The following REC8 variants were observed in gnomAD, a reference collection of about 807,000 sequenced individuals.
The protein encoded by REC8 is REC8 meiotic recombination protein.
A neutral mutation model predicts 78.3 loss-of-function variants in REC8; 42 were observed. That is an observed-to-expected ratio of 0.54 (90% CI 0.42 to 0.69). The LOEUF is 0.69. Ranked by LOEUF, REC8 falls within the 30% of genes least tolerant of loss-of-function variation. The pLI, the probability that REC8 is intolerant of heterozygous loss-of-function variation, is 0.00. For missense variants in REC8, 581 were observed against 715.8 expected (o/e 0.81, Z 2.15); for synonymous variants, 268 against 274.1 (o/e 0.98, Z 0.22).
intron 5 of REC8, among the ~76,000 whole-genome samples, chr14:24,174,184 T>G (rs6573596): frequency 6.6e-6 from 1 of 152,044 alleles, no homozygotes; most frequent in African/African-American, 2.4e-5. Flanking sequence ...GGGTTTCGCC[T>G]TATCGGCCAG....
rs2038932891 is a variant in REC8, at chr14:24,177,157, C to T, written c.641C>T (p.Pro214Leu). Residue 214 changes from proline to leucine, a missense_variant, in exon 8 of 19, where the codon CCA becomes CTA. Physicochemically the swap from Pro to Leu is moderately conservative, Grantham distance 98. Coordinates refer to ENST00000611366, the MANE Select transcript of REC8 (RefSeq NM_001048205.2). ...MLEIEGEREL[P>L]EVSRRELDLL... ...TCTGGACAGGGTGAACGGGAGCTCC[C>T]AGAGGTCAGCCGCCGAGAACTGGAC... The T allele has an allele frequency of 6.2e-7, 1 of 1,614,070 alleles. No homozygotes were observed. Among genetic ancestry groups the T allele is most frequent in the African/African-American group, 1.3e-5 (1 of 75,004 alleles).
rs750763428 is a variant in REC8, at chr14:24,176,943, GC to G, written c.624+43del. On this transcript the variant is annotated intron_variant, in intron 7 of 18. Coordinates refer to ENST00000611366, the MANE Select transcript of REC8 (RefSeq NM_001048205.2). ...ACAGGGCCTGAGGTCCAGCCCCCTT[GC>G]ATGTACTTCTCTCTGTCCCCAGAGT... 11 of 1,518,148 alleles carry G rather than the reference GC, an allele frequency of 7.2e-6. No individual in the cohort carries two copies. In the African/African-American group the frequency reaches 1.5e-4, roughly 21 times the overall value. The allele number at this position is 1,518,148 out of a possible 1,614,324, so 94.0% of individuals were successfully genotyped here. A position where few individuals can be genotyped will look rare whatever the true frequency, so the allele number is the denominator to read the frequency against.
At chr14:24,174,258 A>G (rs1421055262) in intron 5 of REC8, among the ~76,000 whole-genome samples, 1 of 151,652 alleles carries the variant, frequency 6.6e-6, no homozygotes, top group Non-Finnish European at 1.5e-5. Flanking sequence ...TGCTAGGATT[A>G]CAGACGTGAG....
chr14:24,180,191 G>A lies in REC8; in HGVS notation c.*96G>A, dbSNP rs1268843599. The A allele has an allele frequency of 6.3e-7, 1 of 1,599,070 alleles. No homozygotes were observed. The highest frequency in any genetic ancestry group is 8.5e-7 in the Non-Finnish European group (1 of 1,177,642). On this transcript the variant is annotated 3_prime_UTR_variant, in exon 19 of 19. Transcript: ENST00000611366. ...TCCTGCTTACCTCATTTCTGAATGT[G>A]CATTTCCAGCCTTCTTGCTCTCAGA...
In REC8 at chr14:24,178,913, T is replaced by C. The variant is rs1381376124; in HGVS notation, c.1200T>C (p.Ile400=). The change falls in exon 14 of 19, where the codon ATT becomes ATC. Residue 400 remains isoleucine (I), a synonymous_variant. Transcript: ENST00000611366. The part of the protein sequence containing the change: ...ERRKIEVPSE[I]EVPREALEPS... ...GAAAGATTGAAGTTCCAAGTGAGAT[T>C]GAGGTAACTGCACCACCTGTTTACT... is the stretch of plus-strand genomic sequence containing the variant. The C allele has an allele frequency of 6.2e-7, 1 of 1,612,998 alleles. No individual in the cohort carries two copies.
intron 5 of REC8, among the ~76,000 whole-genome samples, chr14:24,173,720 C>T (rs1372996374): frequency 6.6e-6 from 1 of 152,180 alleles, no homozygotes; most frequent in African/African-American, 2.4e-5. Flanking sequence ...TTACCCCTGT[C>T]CTCCTCCATC....
intron 5 of REC8, 36 bp from the exon 6 acceptor site, chr14:24,175,507 T>C (rs372903121): frequency 5.8e-6 from 9 of 1,545,056 alleles, no homozygotes; most frequent in South Asian, 2.2e-5. Context: ...GGGCTGAAGC[T>C]GAACCCTATC....
At chr14:24,175,725 G>GT in intron 6 of REC8, 101 bp downstream of exon 6, 1 of 800,302 alleles carries the variant, frequency 1.2e-6, no homozygotes, top group Non-Finnish European at 2.0e-6. Flanking sequence ...TGTGAGGGGC[G>GT]CTTTTTTTTT....
Position 24,173,180 on chromosome 14 carries a change from T to C in REC8, c.323T>C (p.Ile108Thr), listed in dbSNP as rs2038744290. ...RLHRAQLQIR[I>T]DMETELPSLL... ...CACCGTGCCCAGCTGCAGATCCGAA[T>C]AGATATGGAGACTGAGCTGTGAGTG... is the stretch of plus-strand genomic sequence containing the variant. Residue 108 changes from isoleucine (I) to threonine (T), a missense_variant, in exon 4 of 19, where the codon ATA (isoleucine) becomes ACA (threonine). Ile to Thr is a moderately conservative substitution (Grantham distance 89). Transcript: ENST00000611366. 2 of 1,614,070 alleles carry C rather than the reference T, an allele frequency of 1.2e-6. No individual in the cohort carries two copies. The highest frequency in any genetic ancestry group is 1.3e-5 in the African/African-American group (1 of 74,926).
At chr14:24,175,006 A>T (rs951306768) in intron 5 of REC8, among the ~76,000 whole-genome samples, 43 of 134,876 alleles carry the variant, frequency 3.2e-4, no homozygotes, top group African/African-American at 1.1e-3. Context: ...GCTTGCACAA[A>T]TTTTTTTTTT....
Position 24,172,343 on chromosome 14 carries a change from T to G in REC8, c.-210T>G. 1 of 571,850 alleles carries G rather than the reference T, an allele frequency of 1.7e-6. No homozygotes were observed. Among genetic ancestry groups the G allele is most frequent in the Non-Finnish European group, 3.1e-6 (1 of 324,070 alleles). 35.4% of individuals were successfully genotyped at this position (571,850 alleles called of 1,614,324 possible). On this transcript the variant is annotated 5_prime_UTR_variant, in exon 1 of 19. Coordinates refer to ENST00000611366, the MANE Select transcript of REC8 (RefSeq NM_001048205.2). ...GAGGGTCCACAGAGAGGGGCGCCCA[T>G]CTCCTGCGTCTCAGTTATCCTGGTA...
chr14:24,172,815 C>CG (rs770707012), intron 2 of REC8, 34 bp downstream of exon 2: 13 of 1,613,788 alleles, frequency 8.1e-6, no homozygotes, highest in Admixed American at 3.3e-5. Flanking sequence ...GGGCCTGGTG[C>CG]GGGGGGTGAG....
intron 11 of REC8, 58 bp from the exon 12 acceptor site, chr14:24,178,033 A>C: frequency 6.4e-7 from 1 of 1,567,952 alleles, no homozygotes; most frequent in Admixed American, 1.8e-5. Context: ...GTCCACCAGA[A>C]TGACAGGAAA....
At chr14:24,180,277 T>C (rs1412684425), downstream of REC8, 1 of 1,532,162 alleles carries the variant, frequency 6.5e-7, no homozygotes, top group Non-Finnish European at 8.8e-7. Flanking sequence ...GACTCATTTG[T>C]AACAGATCCA....
Position 24,180,103 on chromosome 14 carries a change from G to A in REC8, c.*8G>A. 3 of 1,614,146 alleles carry A rather than the reference G, an allele frequency of 1.9e-6. No homozygotes were observed. The highest frequency in any genetic ancestry group is 2.5e-6 in the Non-Finnish European group (3 of 1,180,026). On this transcript the variant is annotated 3_prime_UTR_variant, in exon 19 of 19. Coordinates refer to ENST00000611366, the MANE Select transcript of REC8 (RefSeq NM_001048205.2). ...GGGCCCAGATTCCACTGAGGTTAGA[G>A]TCCATTTACAAAGCTGCCAGGAAAC...
At chr14:24,178,334 T>C (rs2038995726) in intron 12 of REC8, 112 bp downstream of exon 12, 2 of 1,014,888 alleles carry the variant, frequency 2.0e-6, no homozygotes, top group East Asian at 4.8e-5. Flanking sequence ...GATTGGGAAC[T>C]TGATGAAAAA....
chr14:24,172,948 G>C lies in REC8; in HGVS notation c.175G>C (p.Gly59Arg). 1 of 1,610,362 alleles carries C rather than the reference G, an allele frequency of 6.2e-7. No homozygotes were observed. Among genetic ancestry groups the C allele is most frequent in the Non-Finnish European group, 8.5e-7 (1 of 1,180,008 alleles). ...VLVRVQPPQPGLPRPRFSLYL... is the reference protein window; with the variant it reads ...VLVRVQPPQPRLPRPRFSLYL... ...GGTACGAGTGCAACCCCCGCAGCCCGGCCTGCCGCGGCCCCGCTTCTCCCT... is the reference window on the plus strand; with the variant it reads ...GGTACGAGTGCAACCCCCGCAGCCCCGCCTGCCGCGGCCCCGCTTCTCCCT... The change falls in exon 3 of 19, where the codon GGC (glycine) becomes CGC (arginine). Residue 59 changes from glycine to arginine, a missense_variant. Transcript: ENST00000611366.
intron 18 of REC8, 24 bp from the exon 19 acceptor site, chr14:24,179,986 G>C (rs2039092754): frequency 6.2e-7 from 1 of 1,614,116 alleles, no homozygotes; most frequent in Middle Eastern, 1.6e-4. Flanking sequence ...CCCCCGACCT[G>C]CCCTCTCCTC....
intron 5 of REC8, chr14:24,175,311 G>C: frequency 2.4e-6 from 1 of 409,336 alleles, no homozygotes; most frequent in South Asian, 3.3e-5. Context: ...CGGCCTTCTT[G>C]CACAAATTGA....
Sources: allele counts gnomAD v4.1 joint callset (sites outside exome capture counted in the v4.1 genomes callset), GRCh38; gene constraint gnomAD v4.1.1; transcripts MANE v1.5; gene names NCBI Gene and HGNC (gene_info 2026-07-23, HGNC 2026-07-21).